The following UNC13C variants were observed in gnomAD, a reference collection of about 807,000 sequenced individuals.
The protein encoded by UNC13C is unc-13 homolog C, also known as protein unc-13 homolog C.
UNC13C carries 174 observed loss-of-function variants against 245.4 expected under a neutral mutation model. The ratio of observed to expected loss-of-function variants is 0.71; its 90% CI spans 0.63 to 0.80. UNC13C has a LOEUF of 0.80. Among genes scored for constraint, UNC13C ranks in the 30% least tolerant of loss-of-function variants. UNC13C has a pLI of 0.00. For synonymous variants in UNC13C, 992 were observed against 895.1 expected (o/e 1.11, Z -1.93); for missense variants, 2,829 against 2,602.9 (o/e 1.09, Z -1.89).
chr15:54,412,638 G>A (rs527530135), intron 18 of UNC13C, among the ~76,000 whole-genome samples: 1 of 152,132 alleles, frequency 6.6e-6, no homozygotes, highest in African/African-American at 2.4e-5. Flanking sequence ...TATATTCTGT[G>A]ACCTTATATT....
At chr15:54,230,615 G>A (rs1246947997) in intron 4 of UNC13C, among the ~76,000 whole-genome samples, 2 of 151,802 alleles carry the variant, frequency 1.3e-5, no homozygotes, top group Non-Finnish European at 2.9e-5. Context: ...CTGAGTCAAG[G>A]CACATAGCAA....
intron 30 of UNC13C, among the ~76,000 whole-genome samples, chr15:54,592,223 T>A (rs531160521): frequency 1.3e-5 from 2 of 152,306 alleles, no homozygotes; most frequent in African/African-American, 4.8e-5. Context: ...TCATATGGTC[T>A]ATCTTGGAGA....
chr15:54,307,237 G>A (rs1038474820), intron 13 of UNC13C, among the ~76,000 whole-genome samples: 2 of 151,926 alleles, frequency 1.3e-5, no homozygotes, highest in Non-Finnish European at 2.9e-5. Context: ...AAATTAAGGT[G>A]CCATCAGATC....
At chr15:54,238,004 T>G (rs1382525599) in intron 7 of UNC13C, among the ~76,000 whole-genome samples, 1 of 151,884 alleles carries the variant, frequency 6.6e-6, no homozygotes, top group African/African-American at 2.4e-5. Flanking sequence ...TTTTACGAGG[T>G]TTTCCCCAAA....
chr15:54,223,687 G>A (rs914660751), intron 4 of UNC13C, among the ~76,000 whole-genome samples: 1 of 151,960 alleles, frequency 6.6e-6, no homozygotes, highest in African/African-American at 2.4e-5. Flanking sequence ...TTAGTATTTT[G>A]ATAGGGATTG....
At chr15:53,955,343 G>C in the UNC13C span, among the ~76,000 whole-genome samples, 1 of 151,324 alleles carries the variant, frequency 6.6e-6, no homozygotes. Context: ...GAACAACTTA[G>C]AAATAGTTTT....
At chr15:54,592,504 T>C (rs756517752) in intron 30 of UNC13C, among the ~76,000 whole-genome samples, 3 of 152,180 alleles carry the variant, frequency 2.0e-5, no homozygotes, top group Non-Finnish European at 2.9e-5. Context: ...ATGTTTAGGA[T>C]TGTGATATTT....
chr15:54,190,384 G>A (rs966837533), intron 4 of UNC13C, among the ~76,000 whole-genome samples: 4 of 151,678 alleles, frequency 2.6e-5, no homozygotes, highest in African/African-American at 7.3e-5. Context: ...TGTACTTCTC[G>A]CCACCCATCC....
At chr15:54,351,101 T>A (rs964595722) in intron 17 of UNC13C, among the ~76,000 whole-genome samples, 6 of 152,164 alleles carry the variant, frequency 3.9e-5, no homozygotes, top group Non-Finnish European at 5.9e-5. Flanking sequence ...TTTTAGTAAG[T>A]CAAATTACTC....
intron 30 of UNC13C, among the ~76,000 whole-genome samples, chr15:54,609,844 C>A (rs370235390): frequency 1.3e-5 from 2 of 152,144 alleles, no homozygotes; most frequent in South Asian, 2.1e-4. Context: ...AGGAAACTTA[C>A]AATCATGGCA....
At chr15:53,961,733 C>T in the UNC13C span, among the ~76,000 whole-genome samples, 4 of 152,176 alleles carry the variant, frequency 2.6e-5, no homozygotes, top group Non-Finnish European at 5.9e-5. Context: ...CACAGACATT[C>T]CTGAAAAGCC....
intron 19 of UNC13C, among the ~76,000 whole-genome samples, chr15:54,454,200 A>T (rs1891342579): frequency 6.6e-6 from 1 of 152,124 alleles, no homozygotes; most frequent in African/African-American, 2.4e-5. Flanking sequence ...GAGGTGCTAC[A>T]TTCACAATGT....
the UNC13C span, chr15:53,911,185 G>A: frequency 6.6e-6 from 1 of 152,348 alleles, no homozygotes; most frequent in South Asian, 2.1e-4. Flanking sequence ...CTGAGCACCT[G>A]GGGGCCCAAG....
At chr15:53,934,933 T>C in the UNC13C span, among the ~76,000 whole-genome samples, 20 of 152,272 alleles carry the variant, frequency 1.3e-4, no homozygotes, top group East Asian at 3.9e-4. Flanking sequence ...TATCATTACA[T>C]TGGGGAGTGG....
intron 17 of UNC13C, among the ~76,000 whole-genome samples, chr15:54,342,784 G>GTTTTTGTTT (rs1483206529): frequency 6.7e-6 from 1 of 149,024 alleles, no homozygotes; most frequent in Non-Finnish European, 1.5e-5. Flanking sequence ...TTTTGTTTTT[G>GTTTTTGTTT]TTTTTGTTTT....
the UNC13C span, among the ~76,000 whole-genome samples, chr15:53,860,519 T>C: frequency 6.6e-6 from 1 of 152,258 alleles, no homozygotes. Context: ...ATTCCATTCT[T>C]GGCCATCATC....
intron 19 of UNC13C, among the ~76,000 whole-genome samples, chr15:54,428,107 T>C (rs2040795826): frequency 6.6e-6 from 1 of 151,858 alleles, no homozygotes; most frequent in South Asian, 2.1e-4. Flanking sequence ...GTTTCTTTCA[T>C]TGTTAGTTGT....
intron 24 of UNC13C, among the ~76,000 whole-genome samples, chr15:54,520,356 ATAAAT>A (rs1895161194): frequency 6.6e-6 from 1 of 152,176 alleles, no homozygotes; most frequent in African/African-American, 2.4e-5. Context: ...AAGAAGATAA[ATAAAT>A]TAAGAATAGT....
chr15:54,299,067 G>A (rs1176985990), intron 12 of UNC13C, among the ~76,000 whole-genome samples: 2 of 152,072 alleles, frequency 1.3e-5, no homozygotes, highest in Non-Finnish European at 2.9e-5. Context: ...TCCCTCAAGA[G>A]AGATGGTTCA....
Sources: allele counts gnomAD v4.1 joint callset (sites outside exome capture counted in the v4.1 genomes callset), GRCh38; gene constraint gnomAD v4.1.1; transcripts MANE v1.5; gene names NCBI Gene and HGNC (gene_info 2026-07-23, HGNC 2026-07-21).